VPS54: variants seen among roughly 807,000 people sequenced by gnomAD.
The protein encoded by VPS54 is vacuolar protein sorting-associated protein 54.
Under a neutral mutation model 121.5 loss-of-function variants are expected in VPS54, and 45 were observed. That is an observed-to-expected ratio of 0.37 (90% confidence interval 0.29 to 0.47). The LOEUF is 0.47. Among genes scored for constraint, VPS54 ranks in the 20% least tolerant of loss-of-function variants. The probability of loss-of-function intolerance (pLI) is 0.99; values close to 1 mark genes in which losing one functional copy is unlikely to be tolerated. For synonymous variants in VPS54, 371 were observed against 385.8 expected, an observed-to-expected ratio of 0.96 and a Z score of 0.45; for missense variants, 1,090 against 1,131.4, an observed-to-expected ratio of 0.96 and a Z score of 0.52.
intron 2 of VPS54, 49 bp from the exon 3 acceptor site, chr2:63,981,936 T>C: frequency 6.4e-7 from 1 of 1,559,402 alleles, no homozygotes; most frequent in Non-Finnish European, 8.7e-7. Context: ...AAATTGGTTC[T>C]ATGTTTGAAA....
chr2:63,976,080 GTTC>G (rs762758183), intron 3 of VPS54, among the ~76,000 whole-genome samples: 16 of 152,172 alleles, frequency 1.1e-4, no homozygotes, highest in Non-Finnish European at 2.2e-4. Context: ...TTTGCTAAGA[GTTC>G]TTTTTTTAAA....
intron 1 of VPS54, among the ~76,000 whole-genome samples, chr2:64,000,967 CA>C (rs2104674049): frequency 6.6e-6 from 1 of 152,344 alleles, no homozygotes; most frequent in South Asian, 2.1e-4. Flanking sequence ...TTCAAGACAG[CA>C]AGTGCCCCCA....
chr2:63,917,355 G>A (rs761346234), intron 15 of VPS54, among the ~76,000 whole-genome samples: 4 of 151,988 alleles, frequency 2.6e-5, no homozygotes, highest in Non-Finnish European at 5.9e-5. Flanking sequence ...AAAGTTATTA[G>A]TTTTGGAAAG....
At chr2:63,906,818 C>A (rs1672923680) in intron 20 of VPS54, among the ~76,000 whole-genome samples, 1 of 152,184 alleles carries the variant, frequency 6.6e-6, no homozygotes, top group Admixed American at 6.5e-5. Flanking sequence ...CAATCAAAAT[C>A]TGAGCAGCCT....
intron 11 of VPS54, among the ~76,000 whole-genome samples, chr2:63,939,826 T>G (rs1328794461): frequency 6.6e-6 from 1 of 151,848 alleles, no homozygotes; most frequent in East Asian, 1.9e-4. Context: ...AGTAGCACCA[T>G]CTTGGCTCAC....
At chr2:63,947,093 G>A (rs955079780) in intron 9 of VPS54, among the ~76,000 whole-genome samples, 1 of 151,678 alleles carries the variant, frequency 6.6e-6, no homozygotes, top group Admixed American at 6.6e-5. Context: ...GTTTCTGAAA[G>A]CTTTTATAAT....
intron 7 of VPS54, among the ~76,000 whole-genome samples, chr2:63,959,440 T>C (rs1363585177): frequency 1.3e-5 from 2 of 152,196 alleles, no homozygotes. Context: ...TAAACAGTTA[T>C]AAATATATTG....
At chr2:63,909,988 A>G (rs1223086829) in intron 20 of VPS54, among the ~76,000 whole-genome samples, 1 of 151,882 alleles carries the variant, frequency 6.6e-6, no homozygotes, top group African/African-American at 2.4e-5. Context: ...CAGCCTCCCA[A>G]AAGTGCTGGG....
intron 11 of VPS54, among the ~76,000 whole-genome samples, chr2:63,936,062 C>G (rs1271190139): frequency 6.6e-6 from 1 of 152,136 alleles, no homozygotes. Flanking sequence ...CAAGACAAAA[C>G]CATGCATGAA....
chr2:63,980,998 C>T (rs887023397), intron 3 of VPS54, among the ~76,000 whole-genome samples: 21 of 151,888 alleles, frequency 1.4e-4, no homozygotes, highest in African/African-American at 4.8e-4. Context: ...CAAAAAAGTG[C>T]AAAGTAAGTA....
rs561484361 is a variant in VPS54 at position 63,948,910 on chromosome 2, G to T, written c.1137+127C>A. The T allele has an allele frequency of 1.0e-3, 1,106 of 1,094,332 alleles. 1 individual carries two copies. The highest frequency in any genetic ancestry group is 1.3e-3 in the Non-Finnish European group (1,060 of 785,696). 67.8% of individuals were successfully genotyped at this position (1,094,332 alleles called of 1,614,324 possible). Reference sequence around the variant, plus strand: ...TGCTCAAGTCACATAGCTAGTGAAGGACTTCATAGGTCTGATAGCCCTTGA... The same window carrying T: ...TGCTCAAGTCACATAGCTAGTGAAGTACTTCATAGGTCTGATAGCCCTTGA... On this transcript the variant is annotated intron_variant, in intron 8 of 22. Coordinates refer to ENST00000272322, the MANE Select transcript of VPS54 (RefSeq NM_016516.3).
intron 1 of VPS54, among the ~76,000 whole-genome samples, chr2:64,015,157 G>A (rs953649261): frequency 6.6e-6 from 1 of 151,686 alleles, no homozygotes; most frequent in Non-Finnish European, 1.5e-5. Flanking sequence ...AAAAAGATAT[G>A]ACTATATTCT....
chr2:63,942,386 G>A, intron 11 of VPS54, 79 bp downstream of exon 11: 1 of 965,378 alleles, frequency 1.0e-6, no homozygotes, highest in East Asian at 3.1e-5. Context: ...TCTAGTTTGA[G>A]TCTTTATTTA....
intron 1 of VPS54, among the ~76,000 whole-genome samples, chr2:63,993,792 C>G (rs1054721742): frequency 2.0e-5 from 3 of 152,108 alleles, no homozygotes; most frequent in Non-Finnish European, 4.4e-5. Flanking sequence ...AAAGATCAGC[C>G]CATTCCTGAG....
At chr2:63,902,739 C>T (rs545973528) in intron 20 of VPS54, among the ~76,000 whole-genome samples, 84 of 152,168 alleles carry the variant, frequency 5.5e-4, no homozygotes, top group Non-Finnish European at 2.8e-4. Context: ...GAGGCTGAGG[C>T]GGGTGGATCA....
At chr2:64,001,351 C>T (rs958074872) in intron 1 of VPS54, among the ~76,000 whole-genome samples, 4 of 152,170 alleles carry the variant, frequency 2.6e-5, no homozygotes, top group Non-Finnish European at 5.9e-5. Context: ...AGAGCCCACT[C>T]GGTGTTTGAA....
intron 7 of VPS54, among the ~76,000 whole-genome samples, chr2:63,954,667 C>T (rs76555558): frequency 0.027 from 4,089 of 152,160 alleles, 177 homozygotes; most frequent in African/African-American, 0.094. Context: ...AGAGACTTTT[C>T]ATGCTTCTTG....
At position 63,903,318 on chromosome 2, in the gene VPS54, A is replaced by C. The variant is rs116744053; in HGVS notation, c.2626-3737T>G. 5.7e-3 allele frequency among the ~76,000 whole-genome samples: 872 copies of C among 152,356 alleles called. 10 individuals carry two copies. The highest frequency in any genetic ancestry group is 0.02 in the African/African-American group (815 of 41,578). ...TACATCTAGCAAAAATATCTTTGAAAAGTGAAGAGAAAATACAGGCTTTTT... is the reference window on the plus strand; with the variant it reads ...TACATCTAGCAAAAATATCTTTGAACAGTGAAGAGAAAATACAGGCTTTTT... On this transcript the variant is annotated intron_variant, in intron 20 of 22. Coordinates refer to ENST00000272322, the MANE Select transcript of VPS54 (RefSeq NM_016516.3).
intron 1 of VPS54, among the ~76,000 whole-genome samples, chr2:63,987,421 A>G (rs892757108): frequency 4.6e-5 from 7 of 152,108 alleles, no homozygotes; most frequent in Non-Finnish European, 8.8e-5. Flanking sequence ...GTGTCTGGTT[A>G]TATGCCAATA....
Sources: allele counts gnomAD v4.1 joint callset (sites outside exome capture counted in the v4.1 genomes callset), GRCh38; gene constraint gnomAD v4.1.1; transcripts MANE v1.5; gene names NCBI Gene and HGNC (gene_info 2026-07-23, HGNC 2026-07-21).